SIPA1L2: variants seen among roughly 807,000 people sequenced by gnomAD.
The protein encoded by SIPA1L2 is signal-induced proliferation-associated 1-like protein 2.
In SIPA1L2, 56 loss-of-function variants were observed where a neutral mutation model predicts 163.9. That is an observed-to-expected ratio of 0.34 (90% CI 0.28 to 0.43). The LOEUF is 0.43. SIPA1L2 is among the 20% of genes least tolerant of loss of function. The probability of loss-of-function intolerance (pLI) is 1.00; values close to 1 mark genes in which losing one functional copy is unlikely to be tolerated. For synonymous variants in SIPA1L2, 877 were observed against 865.7 expected, an observed-to-expected ratio of 1.01 and a Z score of -0.23; for missense variants, 1,974 against 2,193.5, an observed-to-expected ratio of 0.90 and a Z score of 2.00.
intron 1 of SIPA1L2, among the ~76,000 whole-genome samples, chr1:232,601,224 G>A (rs1457502758): frequency 1.3e-5 from 2 of 152,146 alleles, no homozygotes; most frequent in African/African-American, 4.8e-5. Context: ...TTCAACTTTA[G>A]GGACTCAAAA....
intron 1 of SIPA1L2, among the ~76,000 whole-genome samples, chr1:232,608,299 CA>C (rs976803324): frequency 6.6e-6 from 1 of 152,146 alleles, no homozygotes; most frequent in African/African-American, 2.4e-5. Flanking sequence ...CTGCCCGCCT[CA>C]ACCTCCCAAA....
chr1:232,469,719 A>T (rs1054797963), intron 8 of SIPA1L2, among the ~76,000 whole-genome samples: 6 of 152,274 alleles, frequency 3.9e-5, no homozygotes, highest in African/African-American at 1.2e-4. Flanking sequence ...GTACTTTGTT[A>T]TATGTAAGAG....
At chr1:232,467,353 A>G (rs1010641816) in intron 8 of SIPA1L2, among the ~76,000 whole-genome samples, 1 of 152,154 alleles carries the variant, frequency 6.6e-6, no homozygotes, top group African/African-American at 2.4e-5. Context: ...AATGAAGGAA[A>G]GGTCCTTAAA....
Position 232,571,847 on chromosome 1 carries a change from A to G in SIPA1L2, c.-270+2327T>C, listed in dbSNP as rs75165742. ...CTACCTAAAAGCTTTCTTAGGTCTC[A>G]CCAGAAGCCAAGCAGATGCCAGTAC... On this transcript the variant is annotated intron_variant, in intron 2 of 22. Transcript: ENST00000674635. Among the ~76,000 whole-genome samples the G allele has an allele frequency of 5.1e-3, 772 of 152,256 alleles. 7 individuals are homozygous for G. Among genetic ancestry groups the G allele is most frequent in the East Asian group, 0.049 (253 of 5,182 alleles).
intron 2 of SIPA1L2, among the ~76,000 whole-genome samples, chr1:232,556,546 C>T (rs1027552504): frequency 1.3e-5 from 2 of 152,054 alleles, no homozygotes; most frequent in Admixed American, 6.5e-5. Flanking sequence ...ACATAAACCC[C>T]GTTCAGATAT....
At chr1:232,432,055 C>A (rs990763679) in intron 16 of SIPA1L2, among the ~76,000 whole-genome samples, 192 bp downstream of exon 16, 2 of 152,064 alleles carry the variant, frequency 1.3e-5, no homozygotes, top group African/African-American at 4.8e-5. Flanking sequence ...ATTTCTTTTC[C>A]TTTTTTTATG....
At position 232,464,988 on chromosome 1, in the gene SIPA1L2, A is replaced by G. The variant is rs755567715; in HGVS notation, c.2672T>C (p.Val891Ala). 3.7e-6 allele frequency: 6 copies of G among 1,614,082 alleles called. No homozygotes were observed. The African/African-American group carries it at 4.0e-5, about 11-fold the overall frequency. The stretch of plus-strand genomic sequence containing the variant: ...ATCCCTGCAGGAACAGTTGAATACA[A>G]CATTCTTGGAATCCTTTTCAATCAA... ...IMLIEKDSKN[V>A]VFNCSCRDVI... is the part of the protein sequence containing the mutation. Residue 891 changes from valine (V) to alanine (A), a missense_variant, in exon 9 of 23, where the codon GTT (valine) becomes GCT (alanine). By Grantham distance (64) the Val-to-Ala change is moderately conservative. Transcript: ENST00000674635.
intron 2 of SIPA1L2, among the ~76,000 whole-genome samples, chr1:232,515,876 T>G (rs1188484858): frequency 6.6e-6 from 1 of 152,218 alleles, no homozygotes; most frequent in Admixed American, 6.5e-5. Context: ...GCAAAGAATG[T>G]TGTGATCCCA....
chr1:232,557,104 C>A (rs1171415759), intron 2 of SIPA1L2, among the ~76,000 whole-genome samples: 1 of 152,202 alleles, frequency 6.6e-6, no homozygotes, highest in African/African-American at 2.4e-5. Context: ...AGGTGAGAGG[C>A]TGACACTGCA....
chr1:232,573,120 C>T (rs368969044), intron 2 of SIPA1L2, among the ~76,000 whole-genome samples: 1 of 152,020 alleles, frequency 6.6e-6, no homozygotes, highest in Non-Finnish European at 1.5e-5. Flanking sequence ...AGGCCACAGA[C>T]CTCAAAATGC....
chr1:232,604,253 C>T (rs553344026), intron 1 of SIPA1L2, among the ~76,000 whole-genome samples: 2 of 152,160 alleles, frequency 1.3e-5, no homozygotes, highest in East Asian at 3.9e-4. Flanking sequence ...TCATTGAATA[C>T]AATTTTTGTA....
At chr1:232,537,184 C>T (rs570220249) in intron 2 of SIPA1L2, among the ~76,000 whole-genome samples, 3 of 152,248 alleles carry the variant, frequency 2.0e-5, no homozygotes, top group African/African-American at 7.2e-5. Flanking sequence ...CTACAGTGAA[C>T]TGTGATTGTG....
intron 2 of SIPA1L2, among the ~76,000 whole-genome samples, chr1:232,560,948 G>A (rs1334953928): frequency 2.0e-5 from 3 of 152,184 alleles, no homozygotes; most frequent in South Asian, 2.1e-4. Context: ...TTTAGTAGAC[G>A]TAAAAGAAGC....
At chr1:232,606,462 T>C (rs1249820938) in intron 1 of SIPA1L2, among the ~76,000 whole-genome samples, 1 of 152,146 alleles carries the variant, frequency 6.6e-6, no homozygotes, top group Non-Finnish European at 1.5e-5. Context: ...GCTTTAACGG[T>C]ATTTTTAAAG....
chr1:232,508,937 C>G (rs1338539133), intron 3 of SIPA1L2, among the ~76,000 whole-genome samples: 1 of 152,114 alleles, frequency 6.6e-6, no homozygotes. Context: ...ACTAAAAATA[C>G]AAAAATTAGC....
At chr1:232,415,694 A>C in intron 18 of SIPA1L2, 69 bp from the exon 19 acceptor site, 1 of 1,602,290 alleles carries the variant, frequency 6.2e-7, no homozygotes, top group South Asian at 1.1e-5. Flanking sequence ...AGTGAGTCAG[A>C]ACATGGGCAC....
chr1:232,630,008 C>T lies in SIPA1L2; in HGVS notation c.-458G>A, dbSNP rs1663303177. Among the ~76,000 whole-genome samples, 1 of 150,246 alleles carries T rather than the reference C, an allele frequency of 6.7e-6. No homozygotes were observed. Among genetic ancestry groups the T allele is most frequent in the Admixed American group, 6.6e-5 (1 of 15,102 alleles). On this transcript the variant is annotated 5_prime_UTR_variant, in exon 1 of 23. Coordinates refer to ENST00000674635, the MANE Select transcript of SIPA1L2 (RefSeq NM_020808.5). ...TCCCCGCGCCGGGCTCCGGCGGAGG[C>T]GGCCCGGACCCGCTGGCTGCGGCTG...
chr1:232,462,085 G>A (rs1421171097), intron 9 of SIPA1L2: 1 of 850,896 alleles, frequency 1.2e-6, no homozygotes, highest in African/African-American at 1.7e-5. Flanking sequence ...TCAAGAGTGA[G>A]AGAGAGTCAA....
At chr1:232,608,047 C>CAAAAAAAAAAAAAAAAAAAAAA (rs56208215) in intron 1 of SIPA1L2, among the ~76,000 whole-genome samples, 1 of 67,496 alleles carries the variant, frequency 1.5e-5, no homozygotes. Flanking sequence ...AACTCCATCT[C>CAAAAAAAAAAAAAAAAAAAAAA]AAAAAAAAAA....
Sources: allele counts gnomAD v4.1 joint callset (sites outside exome capture counted in the v4.1 genomes callset), GRCh38; gene constraint gnomAD v4.1.1; transcripts MANE v1.5; gene names NCBI Gene and HGNC (gene_info 2026-07-23, HGNC 2026-07-21).